Variants in BCAT2 observed in about 807,000 individuals in gnomAD.
The protein encoded by BCAT2 is branched chain amino acid transaminase 2.
BCAT2 carries 44 observed loss-of-function variants against 52.9 expected under a neutral mutation model. That is an observed-to-expected ratio of 0.83 (90% confidence interval 0.65 to 1.07). The LOEUF is 1.07. Ranked by LOEUF, BCAT2 falls within the 50% of genes least tolerant of loss-of-function variation. The pLI is 0.00. For synonymous variants in BCAT2, 215 were observed against 217.1 expected (o/e 0.99, Z 0.08); for missense variants, 478 against 521.8 (o/e 0.92, Z 0.82).
intron 7 of BCAT2, 63 bp from the exon 8 acceptor site, chr19:48,797,085 G>A: frequency 6.2e-7 from 1 of 1,609,830 alleles, no homozygotes. Flanking sequence ...CGTCTTAAGA[G>A]CCACCCCCTT....
intron 3 of BCAT2, among the ~76,000 whole-genome samples, chr19:48,802,287 T>C (rs180747753): frequency 4.6e-5 from 7 of 152,088 alleles, no homozygotes; most frequent in African/African-American, 1.4e-4. Flanking sequence ...TGCTGGTGGG[T>C]GTGGAAACTG....
chr19:48,807,494 C>T lies in BCAT2; in HGVS notation c.25-420G>A. The T allele has an allele frequency of 5.6e-6, 1 of 177,084 alleles. No homozygotes were observed. Among genetic ancestry groups the T allele is most frequent in the South Asian group, 1.3e-4 (1 of 7,998 alleles). 11.0% of individuals were successfully genotyped at this position (177,084 alleles called of 1,614,324 possible). A position where few individuals can be genotyped will look rare whatever the true frequency, so the allele number is the denominator to read the frequency against. ...CCCCCAGAGCTCAGGGGTGCAGACC[C>T]CAGGCCCGCCTCCCTCAGACCTAAG... On this transcript the variant is annotated intron_variant, in intron 1 of 10. Coordinates refer to ENST00000316273, the MANE Select transcript of BCAT2 (RefSeq NM_001190.4). This position sits in a 1 kb window ranked among gnomAD's most constrained non-coding sequence, Gnocchi z 4.6.
chr19:48,799,945 C>A lies in BCAT2; in HGVS notation c.531+36G>T. ...CCCCTGCCCTGCAGAATCCAACCCC[C>A]GCAGCCCAGCTTCCCAGCCCTGGAG... On this transcript the variant is annotated intron_variant, in intron 5 of 10. Coordinates refer to ENST00000316273, the MANE Select transcript of BCAT2 (RefSeq NM_001190.4). This position sits in a 1 kb window ranked among gnomAD's most constrained non-coding sequence, Gnocchi z 5.5. The A allele has an allele frequency of 1.2e-6, 2 of 1,610,088 alleles. No homozygotes were observed. Among genetic ancestry groups the A allele is most frequent in the Non-Finnish European group, 1.7e-6 (2 of 1,177,496 alleles).
chr19:48,795,959 G>C lies in BCAT2; in HGVS notation c.1140+469C>G, dbSNP rs2034500940. 5 of 276,012 alleles carry C rather than the reference G, an allele frequency of 1.8e-5. No homozygotes were observed. The East Asian group carries it at 3.7e-4, about 21-fold the overall frequency. The allele number at this position is 276,012 out of a possible 1,614,324, so 17.1% of individuals were successfully genotyped here. A position where few individuals can be genotyped will look rare whatever the true frequency, so the allele number is the denominator to read the frequency against. On this transcript the variant is annotated intron_variant, in intron 10 of 10. Transcript: ENST00000316273. ...TTTCTCCGGCCAAAGGGATAGCCCAGGGCTCCAGGGAATCTTGGGAGGCCA... is the reference window on the plus strand; with the variant it reads ...TTTCTCCGGCCAAAGGGATAGCCCACGGCTCCAGGGAATCTTGGGAGGCCA...
At chr19:48,795,790 G>A (rs940602295) in intron 10 of BCAT2, 1 of 394,728 alleles carries the variant, frequency 2.5e-6, no homozygotes, top group African/African-American at 2.1e-5. Flanking sequence ...TTACAGAAAT[G>A]TAGCTCTAGG....
Position 48,795,260 on chromosome 19 carries a change from C to T in BCAT2, c.*166G>A, listed in dbSNP as rs2034474397. 1 of 864,724 alleles carries T rather than the reference C, an allele frequency of 1.2e-6. No homozygotes were observed. Among genetic ancestry groups the T allele is most frequent in the African/African-American group, 1.7e-5 (1 of 59,920 alleles). 53.6% of individuals were successfully genotyped at this position (864,724 alleles called of 1,614,324 possible). A position where few individuals can be genotyped will look rare whatever the true frequency, so the allele number is the denominator to read the frequency against. ...GGGGGCCAAGATGCCTGGGTCGGCCCTTACGGCTTTGGGAGTGTCGCAACC... is the reference window on the plus strand; with the variant it reads ...GGGGGCCAAGATGCCTGGGTCGGCCTTTACGGCTTTGGGAGTGTCGCAACC... On this transcript the variant is annotated 3_prime_UTR_variant, in exon 11 of 11. Coordinates refer to ENST00000316273, the MANE Select transcript of BCAT2 (RefSeq NM_001190.4).
intron 1 of BCAT2, among the ~76,000 whole-genome samples, chr19:48,809,396 G>A (rs1206930363): frequency 1.3e-5 from 2 of 152,022 alleles, no homozygotes; most frequent in African/African-American, 2.4e-5. Context: ...GAGTGTCACT[G>A]TCAAAGCCCA....
chr19:48,810,438 G>C (rs1175449668), intron 1 of BCAT2, among the ~76,000 whole-genome samples: 1 of 152,208 alleles, frequency 6.6e-6, no homozygotes, highest in Admixed American at 6.5e-5. Context: ...ATGAGACGCT[G>C]CCTCGATTTC....
At chr19:48,810,748 T>A (rs1249594386) in intron 1 of BCAT2, 1 of 1,255,994 alleles carries the variant, frequency 8.0e-7, no homozygotes, top group Non-Finnish European at 1.0e-6. Flanking sequence ...TTTTTTTTTT[T>A]TTTTTACCTC....
rs553278512 is a variant in BCAT2 at position 48,807,249 on chromosome 19, T to G, written c.25-175A>C. The G allele has an allele frequency of 5.1e-4, 290 of 568,446 alleles. 2 individuals carry two copies. In the South Asian group the frequency reaches 6.1e-3, roughly 12 times the overall value. The allele number at this position is 568,446 out of a possible 1,614,324, so 35.2% of individuals were successfully genotyped here. Reference sequence around the variant, plus strand: ...AGGAGGCCAAGTCCCCTCCCTGCCCTGACGAGGGCTCGCTGGAAAGAGCTG... The same window carrying G: ...AGGAGGCCAAGTCCCCTCCCTGCCCGGACGAGGGCTCGCTGGAAAGAGCTG... On this transcript the variant is annotated intron_variant, in intron 1 of 10. Coordinates refer to ENST00000316273, the MANE Select transcript of BCAT2 (RefSeq NM_001190.4). The surrounding 1 kb of genome is among the most constrained non-coding windows in gnomAD (Gnocchi z 4.6).
At position 48,804,166 on chromosome 19, in the gene BCAT2, T is replaced by TAAATAAATAAAC. The variant is rs564835220; in HGVS notation, c.300+2350_300+2351insGTTTATTTATTT. Among the ~76,000 whole-genome samples the TAAATAAATAAAC allele has an allele frequency of 1.8e-4, 27 of 151,460 alleles. No individual in the cohort carries two copies. The South Asian group carries it at 1.9e-3, about 11-fold the overall frequency. On this transcript the variant is annotated intron_variant, in intron 3 of 10. Transcript: ENST00000316273. ...AGTGAAACTCTATCTCATAAATAAATAAACAAACAAACAAACAAATAAAAT... is the reference window on the plus strand; with the variant it reads ...AGTGAAACTCTATCTCATAAATAAATAAATAAATAAACAAACAAACAAACAAACAAATAAAAT...
intron 3 of BCAT2, among the ~76,000 whole-genome samples, chr19:48,806,266 G>A (rs896829144): frequency 2.7e-5 from 4 of 150,804 alleles, no homozygotes; most frequent in African/African-American, 4.9e-5. Context: ...CTCCATCAGA[G>A]CACAGATCAT....
chr19:48,806,371 A>T (rs2034779240), intron 3 of BCAT2, 146 bp downstream of exon 3: 2 of 1,021,422 alleles, frequency 2.0e-6, no homozygotes, highest in African/African-American at 1.6e-5. Flanking sequence ...AGCCTGGAGC[A>T]TGGAAGGCCT....
intron 2 of BCAT2, 129 bp downstream of exon 2, chr19:48,806,871 C>G: frequency 7.2e-7 from 1 of 1,392,172 alleles, no homozygotes; most frequent in Non-Finnish European, 1.0e-6. Flanking sequence ...TTGTCTGCGG[C>G]CCAATGGCAG....
At chr19:48,796,739 AC>A (rs750002817) in intron 8 of BCAT2, 21 bp from the exon 9 acceptor site, 6 of 1,605,290 alleles carry the variant, frequency 3.7e-6, no homozygotes, top group Admixed American at 1.7e-5. Context: ...GTTGGCAGAG[AC>A]ACGTGTCCCC....
Position 48,807,813 on chromosome 19 carries a change from G to C in BCAT2, c.25-739C>G. 1.0e-6 allele frequency: 1 copy of C among 985,594 alleles called. No individual in the cohort carries two copies. Among genetic ancestry groups the C allele is most frequent in the Non-Finnish European group, 1.2e-6 (1 of 829,946 alleles). 61.1% of individuals were successfully genotyped at this position (985,594 alleles called of 1,614,324 possible). A position where few individuals can be genotyped will look rare whatever the true frequency, so the allele number is the denominator to read the frequency against. On this transcript the variant is annotated intron_variant, in intron 1 of 10. Transcript: ENST00000316273. The surrounding 1 kb of genome is among the most constrained non-coding windows in gnomAD (Gnocchi z 4.6). Reference sequence around the variant, plus strand: ...AATTCCCTTCAGCCCCTGGGGCTGAGGGGCAGCTACAGGGGCCTGGGGAGC... The same window carrying C: ...AATTCCCTTCAGCCCCTGGGGCTGACGGGCAGCTACAGGGGCCTGGGGAGC...
chr19:48,802,062 C>G (rs1599800951), intron 3 of BCAT2, among the ~76,000 whole-genome samples: 1 of 151,932 alleles, frequency 6.6e-6, no homozygotes, highest in African/African-American at 2.4e-5. Context: ...TTTTTTAAAA[C>G]CTAACCTGAT....
At chr19:48,809,110 G>C (rs534665201) in intron 1 of BCAT2, among the ~76,000 whole-genome samples, 11 of 144,922 alleles carry the variant, frequency 7.6e-5, no homozygotes, top group Non-Finnish European at 3.0e-5. Context: ...CAGCATGGTG[G>C]CTCATGCCTG....
At chr19:48,802,383 C>CTAG (rs1416565905) in intron 3 of BCAT2, among the ~76,000 whole-genome samples, 1 of 151,348 alleles carries the variant, frequency 6.6e-6, no homozygotes, top group East Asian at 1.9e-4. Flanking sequence ...GAAATTGAGC[C>CTAG]TCTAGATACA....
Sources: gnomAD v4.1 joint callset for allele counts (sites outside exome capture counted in the v4.1 genomes callset) on GRCh38, gnomAD v4.1.1 for gene constraint, Gnocchi (gnomAD v3.1) non-coding constraint, MANE v1.5 for transcripts, NCBI Gene and HGNC (gene_info 2026-07-23, HGNC 2026-07-21) for gene names.